The following FAM167A variants were observed in gnomAD, a reference collection of about 807,000 sequenced individuals.
FAM167A encodes family with sequence similarity 167 member A.
Under a neutral mutation model 14.9 loss-of-function variants are expected in FAM167A, and 23 were observed. The ratio of observed to expected loss-of-function variants is 1.55; its 90% confidence interval spans 1.11 to 2.19. FAM167A has a LOEUF of 2.19. FAM167A is among the 30% of genes most tolerant of loss of function. FAM167A has a pLI of 0.00. For synonymous variants in FAM167A, 174 were observed against 117.7 expected (o/e 1.48, Z -3.10); for missense variants, 401 against 281.5 (o/e 1.42, Z -3.04).
intron 1 of FAM167A, among the ~76,000 whole-genome samples, chr8:11,450,040 T>C (rs1806961689): frequency 2.0e-5 from 3 of 152,196 alleles, no homozygotes; most frequent in African/African-American, 4.8e-5. Context: ...CATTCTCCAC[T>C]AGAACCCTTT....
At chr8:11,427,707 T>A (rs1805278864) in intron 2 of FAM167A, among the ~76,000 whole-genome samples, 1 of 152,200 alleles carries the variant, frequency 6.6e-6, no homozygotes, top group South Asian at 2.1e-4. Flanking sequence ...TTCTCCTGAT[T>A]TCATATATAA....
In FAM167A at chr8:11,456,940, G is replaced by A. The variant is rs1807341588; in HGVS notation, c.-398+9686C>T. ...GTGGGTGGGGCTGGATTAGGGGTATGAGCGGGGCTGGGTTAGGGAAGTGGG... is the reference window on the plus strand; with the variant it reads ...GTGGGTGGGGCTGGATTAGGGGTATAAGCGGGGCTGGGTTAGGGAAGTGGG... On this transcript the variant is annotated intron_variant, in intron 1 of 2. Coordinates refer to ENST00000284486, the MANE Select transcript of FAM167A (RefSeq NM_053279.3). Among the ~76,000 whole-genome samples, 2 of 136,480 alleles carry A rather than the reference G, an allele frequency of 1.5e-5. 1 individual carries two copies. Among genetic ancestry groups the A allele is most frequent in the South Asian group, 5.1e-4 (2 of 3,954 alleles). The allele number at this position is 136,480 out of a possible 152,430, so 89.5% of individuals were successfully genotyped here.
intron 1 of FAM167A, among the ~76,000 whole-genome samples, chr8:11,450,031 A>C (rs1263982896): frequency 6.6e-6 from 1 of 152,170 alleles, no homozygotes; most frequent in Non-Finnish European, 1.5e-5. Context: ...CCAGCCTCGC[A>C]TTCTCCACTA....
chr8:11,431,168 C>A (rs1805559478), intron 2 of FAM167A, among the ~76,000 whole-genome samples: 1 of 152,098 alleles, frequency 6.6e-6, no homozygotes, highest in Non-Finnish European at 1.5e-5. Context: ...TGAATGGATC[C>A]ACACAATGTG....
At chr8:11,456,580 TGA>T (rs1198606964) in intron 1 of FAM167A, among the ~76,000 whole-genome samples, 1 of 148,320 alleles carries the variant, frequency 6.7e-6, no homozygotes, top group Non-Finnish European at 1.5e-5. Context: ...GCTGGGTGGA[TGA>T]GTGTGAGAGT....
intron 2 of FAM167A, 185 bp downstream of exon 2, chr8:11,443,846 C>G (rs1344752019): frequency 1.4e-6 from 1 of 725,414 alleles, no homozygotes; most frequent in Middle Eastern, 3.3e-4. Context: ...CTGGGTCCCC[C>G]CAGCCACATA....
upstream of FAM167A, among the ~76,000 whole-genome samples, chr8:11,470,101 G>A (rs1807908229): frequency 6.6e-6 from 1 of 152,166 alleles, no homozygotes; most frequent in Admixed American, 6.5e-5. Context: ...GCAGAGGAAA[G>A]CAGGCAGACG....
chr8:11,454,920 G>T (rs1382768873), intron 1 of FAM167A, among the ~76,000 whole-genome samples: 3 of 152,022 alleles, frequency 2.0e-5, no homozygotes, highest in African/African-American at 7.2e-5. Context: ...TGCCCTAGTG[G>T]TCCCCTCCTC....
chr8:11,428,581 T>C (rs1461877847), intron 2 of FAM167A, among the ~76,000 whole-genome samples: 2 of 152,220 alleles, frequency 1.3e-5, no homozygotes. Context: ...CAGTGGGCTT[T>C]GGTTCTGAGG....
At chr8:11,445,972 A>C (rs1806760031) in intron 1 of FAM167A, among the ~76,000 whole-genome samples, 1 of 150,532 alleles carries the variant, frequency 6.6e-6, no homozygotes, top group Admixed American at 6.7e-5. Context: ...GGAGAAAGAA[A>C]GAGGGATTGT....
rs537371759 is a variant in FAM167A at position 11,422,172 on chromosome 8, G to C, written c.*2201C>G. The stretch of plus-strand genomic sequence containing the variant: ...ACCCAAGCAACTAAATCACTCAGTT[G>C]CATCCAACTTAATTGGACTGACTAC... On this transcript the variant is annotated 3_prime_UTR_variant, in exon 3 of 3. Coordinates refer to ENST00000284486, the MANE Select transcript of FAM167A (RefSeq NM_053279.3). 4.5e-6 allele frequency: 1 copy of C among 221,748 alleles called. No individual in the cohort carries two copies. Among genetic ancestry groups the C allele is most frequent in the Admixed American group, 5.8e-5 (1 of 17,190 alleles). 13.7% of individuals were successfully genotyped at this position (221,748 alleles called of 1,614,324 possible). A position where few individuals can be genotyped will look rare whatever the true frequency, so the allele number is the denominator to read the frequency against.
chr8:11,467,057 G>T (rs1183958604), upstream of FAM167A, among the ~76,000 whole-genome samples: 1 of 152,198 alleles, frequency 6.6e-6, no homozygotes. Context: ...ACGTGACTGC[G>T]CCACTGTCAG....
chr8:11,455,715 A>G (rs1178599531), intron 1 of FAM167A, among the ~76,000 whole-genome samples: 3 of 9,552 alleles, frequency 3.1e-4, no homozygotes, highest in Non-Finnish European at 4.2e-4. Context: ...TGCGGGGTGT[A>G]TGAGTGTGTG....
upstream of FAM167A, among the ~76,000 whole-genome samples, chr8:11,472,277 T>G (rs1364146774): frequency 6.6e-6 from 1 of 152,162 alleles, no homozygotes; most frequent in Admixed American, 6.5e-5. Flanking sequence ...TCTTTGAGTT[T>G]GTGGAGTTTG....
rs771864038 is a variant in FAM167A at position 11,444,183 on chromosome 8, C to T, written c.229G>A (p.Gly77Arg). Residue 77 changes from glycine to arginine, a missense_variant, in exon 2 of 3, where the codon GGG becomes AGG. By Grantham distance (125) the Gly-to-Arg change is moderately radical. Coordinates refer to ENST00000284486, the MANE Select transcript of FAM167A (RefSeq NM_053279.3). ...AGGGGGAGCAAGGGCTCCTGCCCCC[C>T]ACGCTCCCCCTCCTCCAAGCTCGCC... ...PQASLEEGER[G>R]GQEPLLPLRE... The T allele has an allele frequency of 3.7e-6, 6 of 1,612,880 alleles. No individual in the cohort carries two copies. In the East Asian group the frequency reaches 6.7e-5, roughly 18 times the overall value.
intron 2 of FAM167A, among the ~76,000 whole-genome samples, chr8:11,435,711 C>T (rs77309718): frequency 2.0e-3 from 304 of 152,310 alleles, no homozygotes; most frequent in East Asian, 3.7e-3. Flanking sequence ...TTGCTGGTGA[C>T]GCCACCCTGG....
intron 2 of FAM167A, among the ~76,000 whole-genome samples, chr8:11,426,309 G>C (rs62491580): frequency 2.6e-5 from 4 of 152,140 alleles, no homozygotes; most frequent in African/African-American, 9.7e-5. Context: ...CTGTCTCTCT[G>C]AAATGTGTAA....
intron 2 of FAM167A, among the ~76,000 whole-genome samples, chr8:11,426,860 CAT>C (rs747584070): frequency 6.2e-4 from 94 of 152,274 alleles, no homozygotes; most frequent in Middle Eastern, 3.4e-3. Flanking sequence ...TAGAAGATAA[CAT>C]AAACACAAGG....
At chr8:11,430,618 G>A (rs1372411320) in intron 2 of FAM167A, among the ~76,000 whole-genome samples, 1 of 152,230 alleles carries the variant, frequency 6.6e-6, no homozygotes, top group Non-Finnish European at 1.5e-5. Flanking sequence ...GAGAGCAAGA[G>A]AGAGAGCCAG....
Sources: gnomAD v4.1 joint callset for allele counts (sites outside exome capture counted in the v4.1 genomes callset) on GRCh38, gnomAD v4.1.1 for gene constraint, MANE v1.5 for transcripts, NCBI Gene and HGNC (gene_info 2026-07-23, HGNC 2026-07-21) for gene names.